The following DNAH9 variants were observed in gnomAD, a reference collection of about 807,000 sequenced individuals.
DNAH9 encodes DNAH9 variant protein.
A neutral mutation model predicts 471.6 loss-of-function variants in DNAH9; 345 were observed. The observed-to-expected ratio is 0.73, with a 90% CI of 0.67 to 0.80. DNAH9 has a LOEUF of 0.80. DNAH9 is among the 30% of genes least tolerant of loss of function. DNAH9 has a pLI of 0.00. For synonymous variants in DNAH9, 2,093 were observed against 2,123.6 expected, an observed-to-expected ratio of 0.99 and a Z score of 0.40; for missense variants, 5,407 against 5,609.2, an observed-to-expected ratio of 0.96 and a Z score of 1.15.
intron 32 of DNAH9, among the ~76,000 whole-genome samples, chr17:11,748,769 A>C (rs1367621045): frequency 6.6e-6 from 1 of 152,124 alleles, no homozygotes; most frequent in Non-Finnish European, 1.5e-5. Flanking sequence ...AGGGGGAAAA[A>C]AAGAGGTCCT....
At chr17:11,628,088 G>A (rs2073001370) in intron 6 of DNAH9, among the ~76,000 whole-genome samples, 1 of 152,156 alleles carries the variant, frequency 6.6e-6, no homozygotes, top group Non-Finnish European at 1.5e-5. Context: ...ACCAAATGTT[G>A]GCCAAAATGA....
At chr17:11,652,295 T>TTG in intron 13 of DNAH9, among the ~76,000 whole-genome samples, 1 of 139,442 alleles carries the variant, frequency 7.2e-6, no homozygotes, top group South Asian at 2.5e-4. Flanking sequence ...TTTTTTTTTT[T>TTG]TTTTTTTTGA....
intron 41 of DNAH9, 21 bp from the exon 42 acceptor site, chr17:11,793,482 T>G (rs753432993): frequency 4.4e-6 from 7 of 1,596,350 alleles, no homozygotes; most frequent in Non-Finnish European, 6.0e-6. Flanking sequence ...CGTTATTTTT[T>G]TGTGTCTGTT....
chr17:11,637,727 T>C (rs1489939368), intron 9 of DNAH9, among the ~76,000 whole-genome samples: 1 of 152,052 alleles, frequency 6.6e-6, no homozygotes, highest in Non-Finnish European at 1.5e-5. Context: ...AATGATGCCA[T>C]TTGGATGAAA....
chr17:11,856,393 T>G (rs983695922), intron 50 of DNAH9, among the ~76,000 whole-genome samples: 1 of 151,952 alleles, frequency 6.6e-6, no homozygotes, highest in African/African-American at 2.4e-5. Context: ...TTGAGACCAA[T>G]CTCTCTATTT....
chr17:11,938,191 G>A (rs1974774770), intron 66 of DNAH9, among the ~76,000 whole-genome samples: 1 of 152,010 alleles, frequency 6.6e-6, no homozygotes, highest in Admixed American at 6.6e-5. Context: ...GAAAGAATGG[G>A]CCTCACACCT....
rs191737157 is a variant in DNAH9, at chr17:11,645,981, G to A, written c.1971-1091G>A. 8.6e-3 allele frequency among the ~76,000 whole-genome samples: 1,279 copies of A among 149,410 alleles called. 16 individuals are homozygous for A. The highest frequency in any genetic ancestry group is 9.8e-3 in the Non-Finnish European group (666 of 67,774). On this transcript the variant is annotated intron_variant, in intron 11 of 68. Transcript: ENST00000262442. ...TGCAAGCTCCGCCTCCCGGGTTCAC[G>A]CCATTCTTCTGCCTCAGCCACCCGA...
Position 11,620,971 on chromosome 17 carries a change from A to G in DNAH9, c.1350+1190A>G, listed in dbSNP as rs114835660. 1.4e-3 allele frequency among the ~76,000 whole-genome samples: 210 copies of G among 152,308 alleles called. 1 individual carries two copies. The highest frequency in any genetic ancestry group is 4.7e-3 in the African/African-American group (194 of 41,574). ...GATACTATTTCTTTGGATTGTTTCAATTCTCAAAACTTAATATGTTTAACA... is the reference window on the plus strand; with the variant it reads ...GATACTATTTCTTTGGATTGTTTCAGTTCTCAAAACTTAATATGTTTAACA... On this transcript the variant is annotated intron_variant, in intron 6 of 68. Transcript: ENST00000262442.
intron 59 of DNAH9, among the ~76,000 whole-genome samples, chr17:11,899,570 A>G (rs1475232628): frequency 1.3e-5 from 2 of 152,244 alleles, no homozygotes; most frequent in East Asian, 1.9e-4. Context: ...TTGCAATTGT[A>G]TTCAATCTAG....
At chr17:11,848,162 G>A (rs567731461) in intron 49 of DNAH9, among the ~76,000 whole-genome samples, 5 of 152,174 alleles carry the variant, frequency 3.3e-5, no homozygotes, top group Admixed American at 2.6e-4. Context: ...AAAAGAGCTG[G>A]TGTGTTGTAT....
intron 10 of DNAH9, among the ~76,000 whole-genome samples, chr17:11,641,288 T>C (rs1311868717): frequency 6.6e-6 from 1 of 151,924 alleles, no homozygotes; most frequent in Non-Finnish European, 1.5e-5. Context: ...GCAGACCCAA[T>C]GTGAGCAATC....
chr17:11,638,546 G>A (rs1396592102), intron 9 of DNAH9, among the ~76,000 whole-genome samples: 3 of 152,190 alleles, frequency 2.0e-5, no homozygotes, highest in South Asian at 2.1e-4. Flanking sequence ...CACGAGGCCC[G>A]GCTAATTTTT....
Position 11,854,332 on chromosome 17 carries a change from C to G in DNAH9, c.9837C>G (p.Phe3279Leu). The G allele has an allele frequency of 6.2e-7, 1 of 1,614,116 alleles. No individual in the cohort carries two copies. The highest frequency in any genetic ancestry group is 8.5e-7 in the Non-Finnish European group (1 of 1,180,038). The part of the protein sequence containing the change: ...VINIVRFYEV[F>L]CDVEPKRQAL... ...ATATTGTGAGATTTTATGAGGTGTTCTGTGATGTGGAACCCAAGCGCCAGG... is the reference window on the plus strand; with the variant it reads ...ATATTGTGAGATTTTATGAGGTGTTGTGTGATGTGGAACCCAAGCGCCAGG... Residue 3279 changes from phenylalanine (F) to leucine (L), a missense_variant, in exon 50 of 69, where the codon TTC (phenylalanine) becomes TTG (leucine). Coordinates refer to ENST00000262442, the MANE Select transcript of DNAH9 (RefSeq NM_001372.4).
chr17:11,667,587 A>T (rs899608798), intron 15 of DNAH9, among the ~76,000 whole-genome samples: 6 of 152,192 alleles, frequency 3.9e-5, no homozygotes, highest in Non-Finnish European at 2.9e-5. Context: ...TATGGTTTGA[A>T]GGACAGAGAA....
At chr17:11,735,285 G>A (rs1015003482) in intron 28 of DNAH9, among the ~76,000 whole-genome samples, 14 of 152,034 alleles carry the variant, frequency 9.2e-5, no homozygotes, top group South Asian at 2.1e-4. Context: ...ACTGAATGCC[G>A]ACAGCAACCC....
chr17:11,702,179 T>A (rs970687870), intron 24 of DNAH9, among the ~76,000 whole-genome samples: 3 of 152,216 alleles, frequency 2.0e-5, no homozygotes, highest in Non-Finnish European at 2.9e-5. Flanking sequence ...AGCAGGTGTG[T>A]CTGAGCCAGA....
intron 8 of DNAH9, among the ~76,000 whole-genome samples, chr17:11,633,259 A>C (rs1833610445): frequency 1.3e-5 from 2 of 152,220 alleles, no homozygotes; most frequent in Admixed American, 1.3e-4. Context: ...GTGGAGCATG[A>C]TATGTGTTCC....
At chr17:11,666,816 C>A (rs922801753) in intron 15 of DNAH9, among the ~76,000 whole-genome samples, 13 of 152,200 alleles carry the variant, frequency 8.5e-5, no homozygotes, top group Admixed American at 2.6e-4. Flanking sequence ...GGAACACTCA[C>A]CTTGCACTGT....
intron 12 of DNAH9, among the ~76,000 whole-genome samples, chr17:11,649,614 C>G (rs1437659939): frequency 1.3e-5 from 2 of 152,102 alleles, no homozygotes; most frequent in African/African-American, 4.8e-5. Flanking sequence ...TGTATATTAT[C>G]AACTTGTTCT....
Sources: gnomAD v4.1 joint callset for allele counts (sites outside exome capture counted in the v4.1 genomes callset) on GRCh38, gnomAD v4.1.1 for gene constraint, MANE v1.5 for transcripts, NCBI Gene and HGNC (gene_info 2026-07-23, HGNC 2026-07-21) for gene names.